The following PCDH9 variants were observed in gnomAD, a reference collection of about 807,000 sequenced individuals.
The protein encoded by PCDH9 is protocadherin-9.
PCDH9 carries 24 observed loss-of-function variants against 70.6 expected under a neutral mutation model. That is an observed-to-expected ratio of 0.34 (90% CI 0.25 to 0.48). The LOEUF (loss-of-function observed/expected upper bound fraction) is 0.48, where lower values mean the gene tolerates loss of function less well. PCDH9 is among the 20% of genes least tolerant of loss of function. PCDH9 has a pLI of 0.99. For synonymous variants in PCDH9, 562 were observed against 558.5 expected (o/e 1.01, Z -0.09); for missense variants, 1,281 against 1,503.6 (o/e 0.85, Z 2.45).
intron 4 of PCDH9, among the ~76,000 whole-genome samples, chr13:66,311,315 G>A (rs182795794): frequency 4.6e-5 from 7 of 150,970 alleles, no homozygotes; most frequent in African/African-American, 1.2e-4. Flanking sequence ...ATTTTTACTA[G>A]CTCATTTTAT....
At chr13:67,132,105 T>C (rs1049159354) in intron 2 of PCDH9, among the ~76,000 whole-genome samples, 2 of 152,164 alleles carry the variant, frequency 1.3e-5, no homozygotes, top group African/African-American at 2.4e-5. Context: ...TCTAGCAAGT[T>C]GACTTTGATA....
At chr13:66,311,698 C>A (rs1201990248) in intron 4 of PCDH9, among the ~76,000 whole-genome samples, 1 of 152,102 alleles carries the variant, frequency 6.6e-6, no homozygotes, top group East Asian at 1.9e-4. Context: ...TTGGAGACTG[C>A]ATTACTATTT....
intron 3 of PCDH9, among the ~76,000 whole-genome samples, chr13:66,651,259 C>T (rs1209216660): frequency 6.6e-6 from 1 of 151,710 alleles, no homozygotes; most frequent in Non-Finnish European, 1.5e-5. Flanking sequence ...AATCCACAAA[C>T]CTTTAGCCAG....
chr13:67,212,755 A>G (rs1324743233), intron 2 of PCDH9: 2 of 152,184 alleles, frequency 1.3e-5, no homozygotes, highest in Non-Finnish European at 2.9e-5. Context: ...TTACCTCCAA[A>G]TAAGTGCTCA....
At chr13:66,504,661 A>G (rs1959194588) in intron 4 of PCDH9, among the ~76,000 whole-genome samples, 1 of 152,224 alleles carries the variant, frequency 6.6e-6, no homozygotes, top group Admixed American at 6.5e-5. Flanking sequence ...TTATCCTTGT[A>G]TCTGCAGAGC....
chr13:66,909,545 G>A (rs370425751), intron 2 of PCDH9, among the ~76,000 whole-genome samples: 5 of 152,212 alleles, frequency 3.3e-5, no homozygotes, highest in East Asian at 1.9e-4. Flanking sequence ...CCAGGCAGGC[G>A]GATCACGAGG....
At chr13:67,152,638 A>G (rs2087691485) in intron 2 of PCDH9, among the ~76,000 whole-genome samples, 1 of 152,186 alleles carries the variant, frequency 6.6e-6, no homozygotes, top group Non-Finnish European at 1.5e-5. Flanking sequence ...AGCTTGTTCA[A>G]AGGCGTGATG....
chr13:67,165,932 A>C (rs2138429943), intron 2 of PCDH9, among the ~76,000 whole-genome samples: 1 of 152,328 alleles, frequency 6.6e-6, no homozygotes, highest in East Asian at 1.9e-4. Flanking sequence ...GAAACTACGT[A>C]ACTACCCATT....
chr13:66,737,680 C>T (rs1264709969), intron 3 of PCDH9, among the ~76,000 whole-genome samples: 2 of 152,202 alleles, frequency 1.3e-5, no homozygotes, highest in Non-Finnish European at 2.9e-5. Flanking sequence ...ATTGCCTCAC[C>T]TGGGAAGCAC....
intron 2 of PCDH9, among the ~76,000 whole-genome samples, chr13:67,194,609 A>G (rs575497970): frequency 1.4e-4 from 22 of 152,326 alleles, no homozygotes; most frequent in Middle Eastern, 3.4e-3. Flanking sequence ...ATATTTTGCA[A>G]TGTAAAACCT....
Position 66,932,388 on chromosome 13 carries a change from C to T in PCDH9, c.3037-28783G>A, listed in dbSNP as rs115562341. Among the ~76,000 whole-genome samples, 1,383 of 152,080 alleles carry T rather than the reference C, an allele frequency of 9.1e-3. 18 individuals are homozygous for T. Among genetic ancestry groups the T allele is most frequent in the African/African-American group, 0.032 (1,308 of 41,480 alleles). ...TGGAGTCCTCCATAATTCTTTAATT[C>T]CAAAGCAATTTCTGAAATAATTCTG... is the stretch of plus-strand genomic sequence containing the variant. On this transcript the variant is annotated intron_variant, in intron 2 of 4. Transcript: ENST00000377865.
rs369452254 is a variant in PCDH9, at chr13:67,068,555, G to A, written c.3036+156850C>T. Among the ~76,000 whole-genome samples the A allele has an allele frequency of 1.4e-4, 21 of 152,142 alleles. 1 individual carries two copies. In the East Asian group the frequency reaches 2.7e-3, roughly 20 times the overall value. ...TTGGTATCTACATTTTTCATATGAG[G>A]AAACTGAAAGTCAGAAATATTAAAT... On this transcript the variant is annotated intron_variant, in intron 2 of 4. Transcript: ENST00000377865.
chr13:66,778,468 C>T (rs1301911035), intron 3 of PCDH9, among the ~76,000 whole-genome samples: 1 of 152,096 alleles, frequency 6.6e-6, no homozygotes, highest in Non-Finnish European at 1.5e-5. Context: ...ATTCCTCTAT[C>T]ATGGCAGGAG....
chr13:66,692,790 T>C (rs939920366), intron 3 of PCDH9, among the ~76,000 whole-genome samples: 1 of 152,052 alleles, frequency 6.6e-6, no homozygotes, highest in Non-Finnish European at 1.5e-5. Flanking sequence ...GAAAAACAAC[T>C]ATATACAATC....
intron 2 of PCDH9, among the ~76,000 whole-genome samples, chr13:66,909,285 A>T (rs929587594): frequency 8.6e-5 from 13 of 152,002 alleles, no homozygotes; most frequent in Admixed American, 2.0e-4. Context: ...AACCCTGATT[A>T]AAAAAAATCA....
At chr13:67,169,866 CTATT>C (rs1233471401) in intron 2 of PCDH9, among the ~76,000 whole-genome samples, 3 of 152,150 alleles carry the variant, frequency 2.0e-5, no homozygotes, top group Non-Finnish European at 4.4e-5. Context: ...ACATGAGTCT[CTATT>C]TATTTTTCTG....
At chr13:67,070,283 T>C (rs113988361) in intron 2 of PCDH9, among the ~76,000 whole-genome samples, 2 of 152,150 alleles carry the variant, frequency 1.3e-5, no homozygotes, top group African/African-American at 4.8e-5. Context: ...ATGTTAATTG[T>C]TGTGGAGCAT....
intron 2 of PCDH9, among the ~76,000 whole-genome samples, chr13:67,051,797 A>ATG (rs1383935642): frequency 6.6e-5 from 10 of 152,158 alleles, no homozygotes; most frequent in Non-Finnish European, 1.5e-4. Flanking sequence ...CCTTATATAT[A>ATG]TTAAGCTATC....
intron 3 of PCDH9, among the ~76,000 whole-genome samples, chr13:66,871,930 C>T (rs1035952716): frequency 2.6e-5 from 4 of 152,088 alleles, no homozygotes; most frequent in African/African-American, 7.2e-5. Flanking sequence ...AAATTTATCT[C>T]TATGGAATAC....
Sources: allele counts gnomAD v4.1 joint callset (sites outside exome capture counted in the v4.1 genomes callset), GRCh38; gene constraint gnomAD v4.1.1; transcripts MANE v1.5; gene names NCBI Gene and HGNC (gene_info 2026-07-23, HGNC 2026-07-21).